The following DNAH12 variants were observed in gnomAD, a reference collection of about 807,000 sequenced individuals.
DNAH12 encodes the protein axonemal beta dynein heavy chain 12.
In DNAH12, 285 loss-of-function variants were observed where a neutral mutation model predicts 371.5. That is an observed-to-expected ratio of 0.77 (90% CI 0.70 to 0.85). DNAH12 has a LOEUF of 0.85. DNAH12 is among the 40% of genes least tolerant of loss of function. DNAH12 has a pLI of 0.00. For synonymous variants in DNAH12, 1,200 were observed against 1,213.0 expected (o/e 0.99, Z 0.22); for missense variants, 3,611 against 3,689.4 (o/e 0.98, Z 0.55).
At chr3:57,470,318 TG>T in intron 16 of DNAH12, 124 bp downstream of exon 16, 1 of 939,868 alleles carries the variant, frequency 1.1e-6, no homozygotes, top group Non-Finnish European at 1.5e-6. Context: ...ACATGGTACC[TG>T]GTTCTCTTTC....
rs536373809 is a variant in DNAH12, at chr3:57,305,397, C to A, written c.11190-3458G>T. 3.3e-5 allele frequency among the ~76,000 whole-genome samples: 5 copies of A among 152,234 alleles called. No individual in the cohort carries two copies. In the South Asian group the frequency reaches 8.3e-4, roughly 25 times the overall value. ...GGTCCCAATTCTTCCTCAGCCTCCGCTCCTCCACCCTATAATCTTTTTATC... is the reference window on the plus strand; with the variant it reads ...GGTCCCAATTCTTCCTCAGCCTCCGATCCTCCACCCTATAATCTTTTTATC... On this transcript the variant is annotated intron_variant, in intron 69 of 73. Transcript: ENST00000495027.
chr3:57,481,802 G>C (rs9831401), intron 13 of DNAH12, among the ~76,000 whole-genome samples: 94,311 of 145,602 alleles, frequency 0.65, 30,187 homozygotes, highest in South Asian at 0.74. Context: ...ACAAACCTGA[G>C]AAAAACAAGC....
chr3:57,457,370 G>C (rs1419515467), intron 22 of DNAH12, among the ~76,000 whole-genome samples: 3 of 152,094 alleles, frequency 2.0e-5, no homozygotes, highest in African/African-American at 7.2e-5. Context: ...CTTTACGTAG[G>C]ATACCTAGAT....
chr3:57,395,787 T>TA lies in DNAH12; in HGVS notation c.6949-1456dup, dbSNP rs1391399161. Among the ~76,000 whole-genome samples, 234 of 150,452 alleles carry TA rather than the reference T, an allele frequency of 1.6e-3. 3 individuals are homozygous for TA. The East Asian group carries it at 0.042, about 27-fold the overall frequency. ...TAATGAGAGCCTGTCTCTAAAAAAATAAAAAAAATAAAAATTAGCTGGGCA... is the reference window on the plus strand; with the variant it reads ...TAATGAGAGCCTGTCTCTAAAAAAATAAAAAAAAATAAAAATTAGCTGGGCA... On this transcript the variant is annotated intron_variant, in intron 43 of 73. Transcript: ENST00000495027.
intron 36 of DNAH12, among the ~76,000 whole-genome samples, chr3:57,420,744 C>T (rs948604550): frequency 6.6e-5 from 10 of 151,798 alleles, no homozygotes; most frequent in Non-Finnish European, 1.3e-4. Flanking sequence ...CCCGTCTCTA[C>T]TAAAAATGCA....
At chr3:57,512,355 G>C (rs887674515) in intron 4 of DNAH12, 3 of 152,278 alleles carry the variant, frequency 2.0e-5, no homozygotes, top group Non-Finnish European at 4.4e-5. Flanking sequence ...AAGAGGAAAT[G>C]AGGAGTTGTT....
intron 17 of DNAH12, among the ~76,000 whole-genome samples, chr3:57,464,780 A>C (rs1156385892): frequency 6.6e-6 from 1 of 152,238 alleles, no homozygotes; most frequent in African/African-American, 2.4e-5. Flanking sequence ...ATTTAGAATT[A>C]AAAAGGAGTT....
At chr3:57,368,548 G>A (rs938652139) in intron 55 of DNAH12, among the ~76,000 whole-genome samples, 8 of 152,084 alleles carry the variant, frequency 5.3e-5, no homozygotes, top group Non-Finnish European at 8.8e-5. Context: ...GTGAATCTAC[G>A]AGCTCTGCTC....
At chr3:57,546,675 G>A (rs2069580597), upstream of DNAH12, among the ~76,000 whole-genome samples, 1 of 152,064 alleles carries the variant, frequency 6.6e-6, no homozygotes, top group Admixed American at 6.6e-5. Context: ...TAAATTAGAA[G>A]AACTAAAGAG....
chr3:57,414,118 A>C (rs1345657269), intron 38 of DNAH12, among the ~76,000 whole-genome samples: 1 of 151,064 alleles, frequency 6.6e-6, no homozygotes, highest in Admixed American at 6.6e-5. Context: ...AAAAAGTTTA[A>C]GTTTCTGTAG....
At chr3:57,415,838 G>C (rs2064358343) in intron 37 of DNAH12, among the ~76,000 whole-genome samples, 1 of 147,394 alleles carries the variant, frequency 6.8e-6, no homozygotes. Context: ...CCCCAGGCTG[G>C]AGGGCAGTGA....
chr3:57,544,962 G>C (rs1323545159), upstream of DNAH12, among the ~76,000 whole-genome samples: 2 of 151,362 alleles, frequency 1.3e-5, no homozygotes, highest in Non-Finnish European at 2.9e-5. Context: ...AAATATTTGA[G>C]CACCTTCTAT....
intron 59 of DNAH12, among the ~76,000 whole-genome samples, chr3:57,352,746 C>A (rs544153178): frequency 1.3e-3 from 201 of 152,010 alleles, no homozygotes; most frequent in African/African-American, 4.6e-3. Context: ...GAAACATTTG[C>A]CCGCCCCAAA....
rs1466005656 is a variant in DNAH12, at chr3:57,403,234, C to G, written c.6948+75G>C. On this transcript the variant is annotated intron_variant, in intron 43 of 73. Transcript: ENST00000495027. ...CACTGGAGTTCAGTACACAGCTACA[C>G]AGGCTGGTTCTCTCTTTACGAGTAA... The G allele has an allele frequency of 5.8e-6, 8 of 1,390,842 alleles. No individual in the cohort carries two copies. In the East Asian group the frequency reaches 2.0e-4, roughly 35 times the overall value. 86.2% of individuals were successfully genotyped at this position (1,390,842 alleles called of 1,614,324 possible).
chr3:57,321,927 C>A (rs1210660397), intron 65 of DNAH12, among the ~76,000 whole-genome samples: 1 of 152,132 alleles, frequency 6.6e-6, no homozygotes, highest in South Asian at 2.1e-4. Context: ...TTACTAGAAT[C>A]TAAGTTTCAT....
chr3:57,492,224 G>T (rs1036717916), intron 11 of DNAH12, among the ~76,000 whole-genome samples: 1 of 152,008 alleles, frequency 6.6e-6, no homozygotes, highest in Non-Finnish European at 1.5e-5. Context: ...ACTTTGGGAG[G>T]CTGGGGCGGG....
intron 12 of DNAH12, among the ~76,000 whole-genome samples, chr3:57,487,376 A>AG (rs200970239): frequency 0.013 from 298 of 22,186 alleles, 3 homozygotes; most frequent in African/African-American, 0.025. Context: ...AAAGAAAGAA[A>AG]AAAAAAAAGA....
chr3:57,507,359 T>C (rs1448849511), intron 8 of DNAH12, among the ~76,000 whole-genome samples: 1 of 152,160 alleles, frequency 6.6e-6, no homozygotes, highest in Non-Finnish European at 1.5e-5. Context: ...ACTAGAATAG[T>C]TCTTTTGTTA....
At chr3:57,476,723 T>TA (rs1251182415) in intron 13 of DNAH12, among the ~76,000 whole-genome samples, 21 of 152,248 alleles carry the variant, frequency 1.4e-4, no homozygotes, top group African/African-American at 4.1e-4. Context: ...ATTCATGTTT[T>TA]ACGTAATTTT....
Sources: gnomAD v4.1 joint callset for allele counts (sites outside exome capture counted in the v4.1 genomes callset) on GRCh38, gnomAD v4.1.1 for gene constraint, MANE v1.5 for transcripts, NCBI Gene and HGNC (gene_info 2026-07-23, HGNC 2026-07-21) for gene names.